PDHX: variants seen among roughly 807,000 people sequenced by gnomAD.
The protein encoded by PDHX is pyruvate dehydrogenase complex component X.
PDHX carries 33 observed loss-of-function variants against 55.3 expected under a neutral mutation model. That is an observed-to-expected ratio of 0.60 (90% confidence interval 0.45 to 0.80). PDHX has a LOEUF of 0.80. Ranked by LOEUF, PDHX falls within the 30% of genes least tolerant of loss-of-function variation. The pLI is 0.00. For missense variants in PDHX, 622 were observed against 619.9 expected, an observed-to-expected ratio of 1.00 and a Z score of -0.04; for synonymous variants, 226 against 219.4, an observed-to-expected ratio of 1.03 and a Z score of -0.27.
chr11:34,933,284 A>G (rs1708238912), intron 2 of PDHX, among the ~76,000 whole-genome samples: 1 of 152,222 alleles, frequency 6.6e-6, no homozygotes, highest in South Asian at 2.1e-4. Context: ...CAATTTGCTT[A>G]CATAACCATA....
chr11:34,921,253 T>C (rs527449264), intron 1 of PDHX, among the ~76,000 whole-genome samples: 1 of 152,354 alleles, frequency 6.6e-6, no homozygotes, highest in East Asian at 1.9e-4. Context: ...ATTTGTCTTC[T>C]TTCTCTTATT....
chr11:34,933,544 C>A (rs890536400), intron 2 of PDHX, among the ~76,000 whole-genome samples: 1 of 152,096 alleles, frequency 6.6e-6, no homozygotes, highest in African/African-American at 2.4e-5. Flanking sequence ...GTAAAAGTTT[C>A]TAAGGTTAGG....
rs112571967 is a variant in PDHX, at chr11:34,960,565, T to A, written c.641+47T>A. 339 of 1,138,102 alleles carry A rather than the reference T, an allele frequency of 3.0e-4. 3 individuals are homozygous for A. The highest frequency in any genetic ancestry group is 7.1e-5 in the Admixed American group (4 of 56,110). 70.5% of individuals were successfully genotyped at this position (1,138,102 alleles called of 1,614,324 possible). A position where few individuals can be genotyped will look rare whatever the true frequency, so the allele number is the denominator to read the frequency against. On this transcript the variant is annotated intron_variant, in intron 5 of 10. Coordinates refer to ENST00000227868, the MANE Select transcript of PDHX (RefSeq NM_003477.3). The stretch of plus-strand genomic sequence containing the variant: ...TAACCAGTTCCATTATTTATTATGA[T>A]CATGTTTTTTTGAAAGAAAATAAAA...
In PDHX at chr11:34,961,961, A is replaced by C. The variant is rs75891392; in HGVS notation, c.641+1443A>C. Among the ~76,000 whole-genome samples the C allele has an allele frequency of 7.4e-3, 1,128 of 152,314 alleles. 17 individuals are homozygous for C. Among genetic ancestry groups the C allele is most frequent in the African/African-American group, 0.026 (1,083 of 41,572 alleles). The stretch of plus-strand genomic sequence containing the variant: ...CCCACACCAATCCTGATTTGTGTCT[A>C]CTGTTGGTATCTTAATCTTGTTAGT... On this transcript the variant is annotated intron_variant, in intron 5 of 10. Coordinates refer to ENST00000227868, the MANE Select transcript of PDHX (RefSeq NM_003477.3).
upstream of PDHX, chr11:34,916,056 C>A: frequency 1.2e-6 from 1 of 848,892 alleles, no homozygotes; most frequent in Non-Finnish European, 1.8e-6. Context: ...GGCCTCGCAG[C>A]CTTGCTTCCG....
chr11:34,974,637 A>G (rs1369284487), intron 7 of PDHX, among the ~76,000 whole-genome samples: 4 of 152,158 alleles, frequency 2.6e-5, no homozygotes, highest in Non-Finnish European at 4.4e-5. Flanking sequence ...CTAATGGCGC[A>G]CCAATGGGTC....
chr11:34,945,076 T>TA (rs1361607985), intron 2 of PDHX, among the ~76,000 whole-genome samples: 1 of 152,178 alleles, frequency 6.6e-6, no homozygotes. Context: ...ATTTTGCCAA[T>TA]AAAGTTTAGT....
At position 34,957,586 on chromosome 11, in the gene PDHX, G is replaced by C; in HGVS notation, c.542+3G>C. 1 of 1,606,366 alleles carries C rather than the reference G, an allele frequency of 6.2e-7. No individual in the cohort carries two copies. Among genetic ancestry groups the C allele is most frequent in the Non-Finnish European group, 8.5e-7 (1 of 1,173,192 alleles). On this transcript the variant is annotated splice_donor_region_variant and intron_variant, in intron 4 of 10. Coordinates refer to ENST00000227868, the MANE Select transcript of PDHX (RefSeq NM_003477.3). ...GAACACATACCCGGGACACTACGGT[G>C]AGTATATATTTATTCAAAGGATGAT...
intron 4 of PDHX, among the ~76,000 whole-genome samples, chr11:34,958,916 T>A (rs982541700): frequency 6.6e-6 from 1 of 152,078 alleles, no homozygotes; most frequent in Admixed American, 6.6e-5. Flanking sequence ...TGGTTACTAA[T>A]CCTATATAAA....
chr11:34,934,307 T>C (rs935121074), intron 2 of PDHX, among the ~76,000 whole-genome samples: 21 of 152,194 alleles, frequency 1.4e-4, no homozygotes, highest in Non-Finnish European at 2.4e-4. Flanking sequence ...TTCCAGGAAA[T>C]ACAGGGGAAA....
intron 3 of PDHX, among the ~76,000 whole-genome samples, chr11:34,951,903 G>A (rs533096684): frequency 1.1e-4 from 17 of 152,188 alleles, no homozygotes; most frequent in Admixed American, 3.3e-4. Flanking sequence ...TCCAGTTTCA[G>A]CTTTCTACAT....
At chr11:34,944,507 C>A (rs1008396646) in intron 2 of PDHX, among the ~76,000 whole-genome samples, 1 of 152,266 alleles carries the variant, frequency 6.6e-6, no homozygotes, top group East Asian at 1.9e-4. Context: ...AAATAAATAT[C>A]ATCTAACATA....
intron 2 of PDHX, among the ~76,000 whole-genome samples, chr11:34,943,343 A>T (rs1854536895): frequency 6.6e-6 from 1 of 152,234 alleles, no homozygotes; most frequent in South Asian, 2.1e-4. Context: ...ATATAGCTGA[A>T]GTCGAATCTG....
intron 1 of PDHX, among the ~76,000 whole-genome samples, chr11:34,920,779 C>T (rs1164300901): frequency 6.6e-6 from 1 of 151,896 alleles, no homozygotes; most frequent in Non-Finnish European, 1.5e-5. Flanking sequence ...CTACGGAAGG[C>T]AGAAGACAAA....
At chr11:34,923,843 A>G (rs1482404919) in intron 1 of PDHX, among the ~76,000 whole-genome samples, 1 of 152,244 alleles carries the variant, frequency 6.6e-6, no homozygotes, top group Non-Finnish European at 1.5e-5. Flanking sequence ...GGAAGTGAAT[A>G]GTATGAGCAC....
rs562475512 is a variant in PDHX at position 34,952,892 on chromosome 11, A to T, written c.343-4492A>T. ...AGGGTATTCAATTAGGAAAAGAGGA[A>T]GTCAAATTGTCCCTGTTTGCAGCCG... On this transcript the variant is annotated intron_variant, in intron 3 of 10. Coordinates refer to ENST00000227868, the MANE Select transcript of PDHX (RefSeq NM_003477.3). Among the ~76,000 whole-genome samples the T allele has an allele frequency of 6.2e-4, 94 of 151,470 alleles. 1 individual carries two copies. Among genetic ancestry groups the T allele is most frequent in the South Asian group, 5.3e-3 (25 of 4,742 alleles).
chr11:34,953,341 C>T (rs991638556), intron 3 of PDHX, among the ~76,000 whole-genome samples: 3 of 152,182 alleles, frequency 2.0e-5, no homozygotes, highest in East Asian at 1.9e-4. Flanking sequence ...GAAAAAACTA[C>T]TTTAAAGTTC....
At chr11:34,932,622 C>G (rs1468454374) in intron 2 of PDHX, among the ~76,000 whole-genome samples, 9 of 152,198 alleles carry the variant, frequency 5.9e-5, no homozygotes, top group Non-Finnish European at 1.0e-4. Context: ...AAGCAGGACT[C>G]TCAGACATTG....
intron 2 of PDHX, among the ~76,000 whole-genome samples, chr11:34,935,999 G>C (rs552568159): frequency 6.6e-6 from 1 of 152,328 alleles, no homozygotes; most frequent in South Asian, 2.1e-4. Context: ...GTCTGGAAGA[G>C]CTGTGTTGTG....
Sources: gnomAD v4.1 joint callset for allele counts (sites outside exome capture counted in the v4.1 genomes callset) on GRCh38, gnomAD v4.1.1 for gene constraint, MANE v1.5 for transcripts, NCBI Gene and HGNC (gene_info 2026-07-23, HGNC 2026-07-21) for gene names.